The following PCDHA7 variants were observed in gnomAD, a reference collection of about 807,000 sequenced individuals.
The protein encoded by PCDHA7 is protocadherin alpha 7, also known as protocadherin alpha-7.
Under a neutral mutation model 57.2 loss-of-function variants are expected in PCDHA7, and 37 were observed. The observed-to-expected ratio is 0.65, with a 90% CI of 0.50 to 0.85. The LOEUF is 0.85. PCDHA7 is among the 40% of genes least tolerant of loss of function. The pLI, the probability that PCDHA7 is intolerant of heterozygous loss-of-function variation, is 0.00. For missense variants in PCDHA7, 1,188 were observed against 1,241.8 expected (o/e 0.96, Z 0.65); for synonymous variants, 553 against 558.8 (o/e 0.99, Z 0.15).
intron 1 of PCDHA7, chr5:140,870,531 G>C (rs1554164370): frequency 6.2e-7 from 1 of 1,614,196 alleles, no homozygotes; most frequent in Admixed American, 1.7e-5. Flanking sequence ...TCTTCACAGT[G>C]TCGGCGCGGG....
intron 1 of PCDHA7, among the ~76,000 whole-genome samples, chr5:140,973,337 G>T (rs2096582330): frequency 6.6e-6 from 1 of 152,162 alleles, no homozygotes; most frequent in African/African-American, 2.4e-5. Flanking sequence ...TCGTTGTAAA[G>T]TGACATAGTA....
At chr5:140,974,637 G>A (rs1054796505) in intron 1 of PCDHA7, among the ~76,000 whole-genome samples, 7 of 151,898 alleles carry the variant, frequency 4.6e-5, no homozygotes, top group South Asian at 2.1e-4. Context: ...TCAACCTCCC[G>A]AGTAGCTGAG....
chr5:140,850,520 G>A (rs2150487404), intron 1 of PCDHA7: 1 of 1,598,300 alleles, frequency 6.3e-7, no homozygotes, highest in South Asian at 1.1e-5. Context: ...GCGGCCAGGC[G>A]CCAAAGTCAT....
chr5:140,998,893 C>T (rs144409989), intron 3 of PCDHA7, among the ~76,000 whole-genome samples: 1 of 152,306 alleles, frequency 6.6e-6, no homozygotes, highest in African/African-American at 2.4e-5. Flanking sequence ...GAATAAATAA[C>T]AATGCCTCCG....
At chr5:140,944,907 T>A (rs246063) in intron 1 of PCDHA7, among the ~76,000 whole-genome samples, 85,748 of 151,952 alleles carry the variant, frequency 0.56, 24,800 homozygotes, top group African/African-American at 0.69. Flanking sequence ...TTCCACAAAC[T>A]TCTCTTTATA....
intron 1 of PCDHA7, chr5:140,857,530 G>T (rs1554150174): frequency 2.5e-6 from 4 of 1,597,696 alleles, no homozygotes; most frequent in Non-Finnish European, 3.4e-6. Flanking sequence ...ACTCTCTGGT[G>T]GAGCGGCGGT....
chr5:140,928,291 G>A (rs62384489), intron 1 of PCDHA7: 1 of 1,614,142 alleles, frequency 6.2e-7, no homozygotes, highest in Non-Finnish European at 8.5e-7. Context: ...TCTAGGCCGA[G>A]TGTTTGCCCA....
chr5:140,884,418 T>C, intron 1 of PCDHA7: 2 of 1,613,974 alleles, frequency 1.2e-6, no homozygotes, highest in South Asian at 2.2e-5. Flanking sequence ...ACGTTGCTGC[T>C]GTATACTGCG....
In PCDHA7 at chr5:140,969,225, C is replaced by T. The variant is rs782766938; in HGVS notation, c.2356-9724C>T. 22 of 1,614,118 alleles carry T rather than the reference C, an allele frequency of 1.4e-5. No homozygotes were observed. Among genetic ancestry groups the T allele is most frequent in the East Asian group, 1.3e-4 (6 of 44,872 alleles). Reference sequence around the variant, plus strand: ...GGGGCCCAGACAGGACCAGGGCCTTCGGGAGCCCAAGCAGCAGTGACTGAC... The same window carrying T: ...GGGGCCCAGACAGGACCAGGGCCTTTGGGAGCCCAAGCAGCAGTGACTGAC... On this transcript the variant is annotated intron_variant, in intron 1 of 3. Coordinates refer to ENST00000525929, the MANE Select transcript of PCDHA7 (RefSeq NM_018910.3).
intron 1 of PCDHA7, chr5:140,875,488 C>G: frequency 3.7e-6 from 6 of 1,612,568 alleles, no homozygotes; most frequent in Non-Finnish European, 5.1e-6. Flanking sequence ...GATTATCGGA[C>G]CAAGAGGCCC....
intron 1 of PCDHA7, among the ~76,000 whole-genome samples, chr5:140,934,332 T>C (rs1452316834): frequency 1.3e-5 from 2 of 152,140 alleles, no homozygotes; most frequent in Non-Finnish European, 2.9e-5. Flanking sequence ...ATGAATGTAA[T>C]AACCACCAGT....
intron 3 of PCDHA7, among the ~76,000 whole-genome samples, chr5:140,985,373 C>G (rs1228293287): frequency 6.6e-6 from 1 of 152,106 alleles, no homozygotes. Flanking sequence ...TTATCTGGGT[C>G]TATATAATCC....
At chr5:140,884,588 C>G (rs1554181766) in intron 1 of PCDHA7, 1 of 1,614,152 alleles carries the variant, frequency 6.2e-7, no homozygotes, top group East Asian at 2.2e-5. Context: ...GGCCTTCAGT[C>G]CCAGCCTTCC....
chr5:140,886,689 G>C (rs1267444522), intron 1 of PCDHA7, among the ~76,000 whole-genome samples: 5 of 152,022 alleles, frequency 3.3e-5, no homozygotes, highest in African/African-American at 1.2e-4. Flanking sequence ...AGCGAGGCAT[G>C]GTGGCACGCG....
chr5:140,901,100 C>G (rs1172808892), intron 1 of PCDHA7, among the ~76,000 whole-genome samples: 1 of 152,002 alleles, frequency 6.6e-6, no homozygotes, highest in East Asian at 1.9e-4. Flanking sequence ...CTTCTACATT[C>G]TGGTTATTCA....
intron 3 of PCDHA7, among the ~76,000 whole-genome samples, chr5:141,000,510 C>G (rs1197965439): frequency 5.6e-5 from 8 of 143,864 alleles, no homozygotes; most frequent in South Asian, 4.5e-4. Context: ...TCACTGCAAC[C>G]TCCTTCTCCA....
At chr5:140,862,887 G>A (rs781965401) in intron 1 of PCDHA7, 8 of 562,884 alleles carry the variant, frequency 1.4e-5, no homozygotes, top group Non-Finnish European at 2.7e-5. Flanking sequence ...GTGCTGGAAC[G>A]ACAACTTTGT....
At chr5:140,881,441 CAGA>C (rs782795888) in intron 1 of PCDHA7, 70 of 829,276 alleles carry the variant, frequency 8.4e-5, no homozygotes, top group Non-Finnish European at 1.0e-4. Context: ...TTTATAAAAA[CAGA>C]ATCCAAAACC....
At chr5:140,999,240 G>A (rs193018375) in intron 3 of PCDHA7, among the ~76,000 whole-genome samples, 1 of 152,340 alleles carries the variant, frequency 6.6e-6, no homozygotes, top group Non-Finnish European at 1.5e-5. Context: ...GGTGGTTAAA[G>A]TGGGAGTTGG....
Sources: gnomAD v4.1 joint callset for allele counts (sites outside exome capture counted in the v4.1 genomes callset) on GRCh38, gnomAD v4.1.1 for gene constraint, MANE v1.5 for transcripts, NCBI Gene and HGNC (gene_info 2026-07-23, HGNC 2026-07-21) for gene names.